Variants in SLC13A1 observed in about 807,000 individuals in gnomAD.
The protein encoded by SLC13A1 is Na(+)/sulfate cotransporter.
Under a neutral mutation model 70.0 loss-of-function variants are expected in SLC13A1, and 65 were observed. The ratio of observed to expected loss-of-function variants is 0.93; its 90% CI spans 0.76 to 1.14. SLC13A1 has a LOEUF of 1.14. SLC13A1 is among the 50% of genes most tolerant of loss of function. SLC13A1 has a pLI of 0.00. For synonymous variants in SLC13A1, 275 were observed against 250.5 expected, an observed-to-expected ratio of 1.10 and a Z score of -0.92; for missense variants, 726 against 717.8, an observed-to-expected ratio of 1.01 and a Z score of -0.13.
intron 7 of SLC13A1, among the ~76,000 whole-genome samples, chr7:123,137,194 A>AGC (rs1243565591): frequency 7.1e-6 from 1 of 141,728 alleles, no homozygotes; most frequent in Non-Finnish European, 1.6e-5. Flanking sequence ...CAAGAGTGGA[A>AGC]ACTGTGTGAT....
intron 7 of SLC13A1, among the ~76,000 whole-genome samples, chr7:123,145,253 A>G (rs1037093036): frequency 3.9e-5 from 6 of 152,182 alleles, no homozygotes; most frequent in African/African-American, 1.4e-4. Context: ...CCCATTTTAC[A>G]GAAAAGGAAA....
intron 10 of SLC13A1, 79 bp from the exon 11 acceptor site, chr7:123,125,754 A>C: frequency 1.3e-5 from 12 of 937,262 alleles, no homozygotes; most frequent in Non-Finnish European, 1.7e-5. Flanking sequence ...TGCTAATAAC[A>C]TATCAGTAAT....
chr7:123,158,800 G>C (rs1476568256), intron 6 of SLC13A1, among the ~76,000 whole-genome samples: 1 of 151,818 alleles, frequency 6.6e-6, no homozygotes, highest in Non-Finnish European at 1.5e-5. Flanking sequence ...ATTTCAATGT[G>C]CAAAATAAAA....
In SLC13A1 at chr7:123,169,211, C is replaced by T. The variant is rs768220664; in HGVS notation, c.490G>A (p.Glu164Lys). Residue 164 changes from glutamate to lysine, a missense_variant, in exon 4 of 15, where the codon GAG becomes AAG. Glu to Lys is a moderately conservative substitution (Grantham distance 56). Coordinates refer to ENST00000194130, the MANE Select transcript of SLC13A1 (RefSeq NM_022444.4). ...VVQQIINAEA[E>K]VEATQMTYFN... ...TAAGTCATCTGAGTGGCCTCGACCT[C>T]TGCTTCTGCATTGATGATCTGCTGC... The T allele has an allele frequency of 1.2e-6, 2 of 1,614,108 alleles. No individual in the cohort carries two copies. Among genetic ancestry groups the T allele is most frequent in the Non-Finnish European group, 1.7e-6 (2 of 1,179,998 alleles).
In SLC13A1 at chr7:123,130,044, A is replaced by G. The variant is rs762831065; in HGVS notation, c.933-563T>C. On this transcript the variant is annotated intron_variant, in intron 8 of 14. Transcript: ENST00000194130. ...ACATCAATCCAATAGTACCTTTGGC[A>G]AATGTATGAGACAGTTGGGGTCAGA... Among the ~76,000 whole-genome samples the G allele has an allele frequency of 2.0e-5, 3 of 152,164 alleles. No homozygotes were observed. The South Asian group carries it at 6.2e-4, about 32-fold the overall frequency.
At chr7:123,165,211 A>T (rs1795030400) in intron 6 of SLC13A1, among the ~76,000 whole-genome samples, 1 of 152,120 alleles carries the variant, frequency 6.6e-6, no homozygotes, top group Non-Finnish European at 1.5e-5. Flanking sequence ...TATAATATAT[A>T]AAATAATGCT....
chr7:123,134,842 C>T (rs771971777), intron 7 of SLC13A1, among the ~76,000 whole-genome samples: 9 of 152,072 alleles, frequency 5.9e-5, no homozygotes, highest in Non-Finnish European at 8.8e-5. Flanking sequence ...GTATTAAATG[C>T]ACAAGAAATG....
intron 7 of SLC13A1, among the ~76,000 whole-genome samples, chr7:123,143,374 G>A (rs927226170): frequency 1.4e-4 from 22 of 152,136 alleles, no homozygotes; most frequent in Admixed American, 9.2e-4. Flanking sequence ...ACTTTAGCCC[G>A]CAGTGGTGAG....
intron 6 of SLC13A1, among the ~76,000 whole-genome samples, chr7:123,159,381 GAA>G (rs1794812190): frequency 6.6e-6 from 1 of 152,144 alleles, no homozygotes. Context: ...AAAGGGACCA[GAA>G]ATCCCTCTTT....
rs147134924 is a variant in SLC13A1, at chr7:123,177,567, G to A, written c.228+3406C>T. ...TTACATTATGTACCTGACCTAATCT[G>A]TCATTCTCCTTTTTAGTTACTCTTT... is the stretch of plus-strand genomic sequence containing the variant. On this transcript the variant is annotated intron_variant, in intron 2 of 14. Coordinates refer to ENST00000194130, the MANE Select transcript of SLC13A1 (RefSeq NM_022444.4). 8.3e-3 allele frequency among the ~76,000 whole-genome samples: 1,269 copies of A among 152,142 alleles called. 19 individuals carry two copies. Among genetic ancestry groups the A allele is most frequent in the African/African-American group, 0.028 (1,178 of 41,520 alleles).
intron 6 of SLC13A1, among the ~76,000 whole-genome samples, chr7:123,153,267 C>T (rs570762448): frequency 1.3e-5 from 2 of 152,140 alleles, no homozygotes; most frequent in East Asian, 3.9e-4. Context: ...TACATTATTG[C>T]TACTGCACAT....
At chr7:123,135,117 G>A (rs1793910672) in intron 7 of SLC13A1, among the ~76,000 whole-genome samples, 2 of 152,286 alleles carry the variant, frequency 1.3e-5, no homozygotes, top group African/African-American at 4.8e-5. Flanking sequence ...TTTCTTCCTA[G>A]AACCAGGTGG....
At chr7:123,116,690 C>T (rs772419937) in intron 14 of SLC13A1, among the ~76,000 whole-genome samples, 1 of 152,088 alleles carries the variant, frequency 6.6e-6, no homozygotes, top group Non-Finnish European at 1.5e-5. Flanking sequence ...TGTGTAGAGG[C>T]AGTTCTAGAA....
At chr7:123,143,066 G>A (rs1643644179) in intron 7 of SLC13A1, among the ~76,000 whole-genome samples, 1 of 152,148 alleles carries the variant, frequency 6.6e-6, no homozygotes, top group South Asian at 2.1e-4. Flanking sequence ...CTAACTTGCT[G>A]TGGCTGAGCT....
rs1228543543 is a variant in SLC13A1 at position 123,117,624 on chromosome 7, A to T, written c.1513-16T>A. ...TGGCTTCGGCCTGTTGTAAGAGATA[A>T]AAAAGAGTCTAAGTAAAATTTTGAG... is the stretch of plus-strand genomic sequence containing the variant. On this transcript the variant is annotated splice_polypyrimidine_tract_variant and intron_variant, in intron 13 of 14. Coordinates refer to ENST00000194130, the MANE Select transcript of SLC13A1 (RefSeq NM_022444.4). 6.5e-7 allele frequency: 1 copy of T among 1,545,264 alleles called. No individual in the cohort carries two copies. The highest frequency in any genetic ancestry group is 1.4e-5 in the African/African-American group (1 of 73,018).
At chr7:123,124,738 C>G (rs541569696) in intron 11 of SLC13A1, among the ~76,000 whole-genome samples, 35 of 152,140 alleles carry the variant, frequency 2.3e-4, no homozygotes, top group Non-Finnish European at 4.4e-4. Context: ...GGCAAATGTG[C>G]ACACTTCTTT....
At chr7:123,117,641 A>C in intron 13 of SLC13A1, 33 bp from the exon 14 acceptor site, 1 of 1,495,986 alleles carries the variant, frequency 6.7e-7, no homozygotes, top group Non-Finnish European at 9.0e-7. Context: ...GTCTAAGTAA[A>C]ATTTTGAGGG....
At chr7:123,173,756 A>C (rs1001954360) in intron 2 of SLC13A1, among the ~76,000 whole-genome samples, 2 of 151,826 alleles carry the variant, frequency 1.3e-5, no homozygotes, top group Non-Finnish European at 2.9e-5. Flanking sequence ...TTTTGCACCT[A>C]GCATAGTGCT....
At position 123,117,540 on chromosome 7, in the gene SLC13A1, GA is replaced by G; in HGVS notation, c.1580del (p.Phe527SerfsTer5). Reference sequence around the variant, plus strand: ...TGGGTGGATTTGCTACTGGTAGGAGGAATGCAAATGAAGTACACAGAGTAGA... The same window carrying G: ...TGGGTGGATTTGCTACTGGTAGGAGGATGCAAATGAAGTACACAGAGTAGA... ...IPSTLCTSFA[F>X]LLPVANPPNA... On this transcript the variant is annotated frameshift_variant, in exon 14 of 15. Coordinates refer to ENST00000194130, the MANE Select transcript of SLC13A1 (RefSeq NM_022444.4). LOFTEE classifies it high-confidence loss of function. 1 of 1,610,784 alleles carries G rather than the reference GA, an allele frequency of 6.2e-7. No homozygotes were observed. The highest frequency in any genetic ancestry group is 8.5e-7 in the Non-Finnish European group (1 of 1,177,186).
Sources: gnomAD v4.1 joint callset for allele counts (sites outside exome capture counted in the v4.1 genomes callset) on GRCh38, gnomAD v4.1.1 for gene constraint, MANE v1.5 for transcripts, NCBI Gene and HGNC (gene_info 2026-07-23, HGNC 2026-07-21) for gene names.